CSE1L: variants seen among roughly 807,000 people sequenced by gnomAD.
The protein encoded by CSE1L is chromosome segregation 1 like, also known as exportin-2.
A neutral mutation model predicts 120.4 loss-of-function variants in CSE1L; 24 were observed. The observed-to-expected ratio is 0.20, with a 90% CI of 0.14 to 0.28. CSE1L has a LOEUF of 0.28. Among genes scored for constraint, CSE1L ranks in the 10% least tolerant of loss-of-function variants. The pLI, the probability that CSE1L is intolerant of heterozygous loss-of-function variation, is 1.00. For synonymous variants in CSE1L, 402 were observed against 398.3 expected (o/e 1.01, Z -0.11); for missense variants, 830 against 1,145.2 (o/e 0.72, Z 3.97).
chr20:49,058,847 T>G (rs2091829209), intron 2 of CSE1L, among the ~76,000 whole-genome samples: 1 of 152,168 alleles, frequency 6.6e-6, no homozygotes, highest in African/African-American at 2.4e-5. Context: ...CATGCCTGCT[T>G]TAGGCCGGAT....
intron 19 of CSE1L, among the ~76,000 whole-genome samples, chr20:49,090,126 T>TA (rs973621520): frequency 3.3e-5 from 5 of 151,392 alleles, no homozygotes; most frequent in African/African-American, 4.9e-5. Context: ...CCCTGTCTCT[T>TA]AAAAAAAATA....
chr20:49,061,647 C>G (rs906769243), intron 2 of CSE1L, among the ~76,000 whole-genome samples: 2 of 151,628 alleles, frequency 1.3e-5, no homozygotes, highest in Non-Finnish European at 2.9e-5. Flanking sequence ...GGACTACAGG[C>G]GCCCGCCACC....
At chr20:49,088,562 C>A (rs975176182) in intron 17 of CSE1L, among the ~76,000 whole-genome samples, 1 of 152,196 alleles carries the variant, frequency 6.6e-6, no homozygotes, top group East Asian at 1.9e-4. Context: ...TGTTTATTAA[C>A]ACTAAATTTT....
At position 49,096,386 on chromosome 20, in the gene CSE1L, C is replaced by T; in HGVS notation, c.2864C>T (p.Ala955Val). ...SMVSTSLNAE[A>V]LQYLQGYLQA... ...GTGAGCACCAGCCTGAATGCAGAAG[C>T]GCTCCAGTATCTCCAAGGGTACCTT... The change falls in exon 25 of 25, where the codon GCG becomes GTG. Residue 955 changes from alanine to valine, a missense_variant. By Grantham distance (64) the Ala-to-Val change is moderately conservative. Around this residue, in one of 4 missense-constraint regions of CSE1L, gnomAD observed 112 missense variants for 200.0 expected, o/e 0.56. Transcript: ENST00000262982. The T allele has an allele frequency of 6.2e-7, 1 of 1,614,074 alleles. No individual in the cohort carries two copies. The highest frequency in any genetic ancestry group is 1.1e-5 in the South Asian group (1 of 91,072).
Position 49,086,359 on chromosome 20 carries a change from C to CTTTTTTTTT in CSE1L, c.1723+988_1723+996dup, listed in dbSNP as rs10648977. Among the ~76,000 whole-genome samples, 28 of 77,632 alleles carry CTTTTTTTTT rather than the reference C, an allele frequency of 3.6e-4. 1 individual carries two copies. Among genetic ancestry groups the CTTTTTTTTT allele is most frequent in the African/African-American group, 6.7e-4 (11 of 16,482 alleles). The allele number at this position is 77,632 out of a possible 152,430, so 50.9% of individuals were successfully genotyped here. A position where few individuals can be genotyped will look rare whatever the true frequency, so the allele number is the denominator to read the frequency against. ...TGTGTAATTATTGTTGTTTAATGTC[C>CTTTTTTTTT]TTTTTTTTTTTTTTTTTTTTTTTGA... is the stretch of plus-strand genomic sequence containing the variant. On this transcript the variant is annotated intron_variant, in intron 16 of 24. Coordinates refer to ENST00000262982, the MANE Select transcript of CSE1L (RefSeq NM_001316.4).
At position 49,066,299 on chromosome 20, in the gene CSE1L, G is replaced by A. The variant is rs771895995; in HGVS notation, c.330+6G>A. On this transcript the variant is annotated splice_donor_region_variant and intron_variant, in intron 4 of 24. Transcript: ENST00000262982. Reference sequence around the variant, plus strand: ...CAGAGCAAATTCAGAAGCAGGTAATGTCGCTCCACTTTTTAGATGGGCTCC... The same window carrying A: ...CAGAGCAAATTCAGAAGCAGGTAATATCGCTCCACTTTTTAGATGGGCTCC... 6 of 1,614,042 alleles carry A rather than the reference G, an allele frequency of 3.7e-6. No homozygotes were observed. The Admixed American group carries it at 8.3e-5, about 22-fold the overall frequency.
At chr20:49,067,822 A>G (rs2091904589) in intron 6 of CSE1L, among the ~76,000 whole-genome samples, 1 of 151,720 alleles carries the variant, frequency 6.6e-6, no homozygotes, top group Admixed American at 6.6e-5. Context: ...TGCAGCCTCA[A>G]CTACCCAAGC....
chr20:49,056,879 G>A (rs934659487), intron 1 of CSE1L, among the ~76,000 whole-genome samples: 1 of 129,470 alleles, frequency 7.7e-6, no homozygotes, highest in Non-Finnish European at 1.7e-5. Flanking sequence ...GTGTGTGTGT[G>A]TGTGTGTGGT....
intron 6 of CSE1L, 121 bp from the exon 7 acceptor site, chr20:49,068,594 G>A (rs893587974): frequency 5.2e-5 from 35 of 674,488 alleles, no homozygotes; most frequent in Middle Eastern, 5.1e-4. Context: ...GCAAGACTCC[G>A]TCTCAAAAAA....
chr20:49,055,910 G>T (rs565882843), intron 1 of CSE1L, among the ~76,000 whole-genome samples: 117 of 150,980 alleles, frequency 7.7e-4, no homozygotes, highest in African/African-American at 2.6e-3. Flanking sequence ...TTTGAATTAT[G>T]ATATCCTTGA....
At chr20:49,058,590 G>T (rs2091827317) in intron 2 of CSE1L, 42 bp downstream of exon 2, 4 of 1,487,964 alleles carry the variant, frequency 2.7e-6, no homozygotes, top group Non-Finnish European at 3.7e-6. Flanking sequence ...ATTCCTTCAG[G>T]ACAGGTGAGA....
chr20:49,048,780 C>T (rs1249677989), intron 1 of CSE1L, among the ~76,000 whole-genome samples: 2 of 152,144 alleles, frequency 1.3e-5, no homozygotes, highest in Non-Finnish European at 2.9e-5. Context: ...GGTTAGAAAG[C>T]AGAGGGTAGG....
chr20:49,095,869 C>T (rs2092135623), intron 24 of CSE1L, among the ~76,000 whole-genome samples: 1 of 152,068 alleles, frequency 6.6e-6, no homozygotes, highest in Non-Finnish European at 1.5e-5. Context: ...TCTTAAAAAA[C>T]ATATATGTGT....
Position 49,084,154 on chromosome 20 carries a change from T to C in CSE1L, c.1611T>C (p.Asn537=), listed in dbSNP as rs1236013131. ...ERLFTMRGPN[N]ATLFTAAEIA... ...TCTTTACTATGCGAGGGCCTAACAA[T>C]GCCACTCTGTGAGTATTTTATTCTA... Residue 537 remains asparagine, a synonymous_variant, in exon 15 of 25, where the codon AAT becomes AAC. Transcript: ENST00000262982. 1 of 1,613,954 alleles carries C rather than the reference T, an allele frequency of 6.2e-7. No homozygotes were observed. Among genetic ancestry groups the C allele is most frequent in the Admixed American group, 1.7e-5 (1 of 59,996 alleles).
chr20:49,087,676 A>G (rs1402759467), intron 16 of CSE1L, among the ~76,000 whole-genome samples: 1 of 151,986 alleles, frequency 6.6e-6, no homozygotes, highest in African/African-American at 2.4e-5. Context: ...TTTCTAAGAG[A>G]AAGAGACCCC....
intron 6 of CSE1L, among the ~76,000 whole-genome samples, chr20:49,068,250 A>G (rs930084934): frequency 2.4e-4 from 36 of 152,154 alleles, no homozygotes; most frequent in African/African-American, 8.0e-4. Flanking sequence ...GTTCAAAAAT[A>G]CATACTTTAA....
intron 1 of CSE1L, among the ~76,000 whole-genome samples, chr20:49,053,362 T>A: frequency 7.1e-6 from 1 of 140,134 alleles, no homozygotes; most frequent in African/African-American, 2.7e-5. Context: ...TTTTTTTTTT[T>A]TTTTTTTTTT....
rs1002687107 is a variant in CSE1L, at chr20:49,067,802, T to C, written c.567+522T>C. Among the ~76,000 whole-genome samples the C allele has an allele frequency of 4.8e-4, 73 of 151,992 alleles. 1 individual carries two copies. The highest frequency in any genetic ancestry group is 1.7e-3 in the African/African-American group (72 of 41,522). Reference sequence around the variant, plus strand: ...AGGCTGGAGTGCAGTGGGGCATGATTATAGCTCACTGCAGCCTCAACTACC... The same window carrying C: ...AGGCTGGAGTGCAGTGGGGCATGATCATAGCTCACTGCAGCCTCAACTACC... On this transcript the variant is annotated intron_variant, in intron 6 of 24. Transcript: ENST00000262982.
intron 14 of CSE1L, among the ~76,000 whole-genome samples, chr20:49,082,563 A>G (rs1435076637): frequency 2.0e-5 from 3 of 151,668 alleles, no homozygotes; most frequent in East Asian, 2.0e-4. Context: ...CAGTAACACA[A>G]TCAAGTCATG....
Sources: allele counts gnomAD v4.1 joint callset (sites outside exome capture counted in the v4.1 genomes callset), GRCh38; gene constraint gnomAD v4.1.1; regional missense constraint gnomAD v4.1.1; transcripts MANE v1.5; gene names NCBI Gene and HGNC (gene_info 2026-07-23, HGNC 2026-07-21).